The following KLHL31 variants were observed in gnomAD, a reference collection of about 807,000 sequenced individuals.
KLHL31 encodes kelch like family member 31.
Under a neutral mutation model 47.1 loss-of-function variants are expected in KLHL31, and 32 were observed. That is an observed-to-expected ratio of 0.68 (90% CI 0.51 to 0.91). The LOEUF (loss-of-function observed/expected upper bound fraction) is 0.91. Among genes scored for constraint, KLHL31 ranks in the 40% least tolerant of loss-of-function variants. The pLI is 0.00. For synonymous variants in KLHL31, 330 were observed against 325.1 expected (o/e 1.01, Z -0.16); for missense variants, 797 against 819.3 (o/e 0.97, Z 0.33).
intron 2 of KLHL31, among the ~76,000 whole-genome samples, chr6:53,653,586 A>G (rs564199339): frequency 3.0e-4 from 46 of 152,384 alleles, no homozygotes; most frequent in Non-Finnish European, 5.3e-4. Flanking sequence ...TCGGTTTTCA[A>G]ATAAGTATTT....
chr6:53,654,142 A>G lies in KLHL31; in HGVS notation c.1131T>C (p.Asp377=). 1 of 1,611,918 alleles carries G rather than the reference A, an allele frequency of 6.2e-7. No individual in the cohort carries two copies. Among genetic ancestry groups the G allele is most frequent in the Non-Finnish European group, 8.5e-7 (1 of 1,179,072 alleles). Residue 377 remains aspartate (D), a synonymous_variant, in exon 2 of 3, where the codon GAT becomes GAC. Transcript: ENST00000370905. ...LYVAGGEDQN[D]ARNQAKHAVS... is the part of the protein sequence containing the mutation. ...CTGCATGCTTGGCTTGATTTCTTGC[A>G]TCATTCTGGTCTTCACCACCGGCTA...
chr6:53,654,312 C>T lies in KLHL31; in HGVS notation c.961G>A (p.Val321Ile), dbSNP rs1255938682. The T allele has an allele frequency of 6.2e-7, 1 of 1,614,080 alleles. No individual in the cohort carries two copies. The highest frequency in any genetic ancestry group is 1.3e-5 in the African/African-American group (1 of 74,940). ...IRGGCRVLVT[V>I]GGRPGLTEKS... ...TCAGTAAGGCCTGGGCGTCCCCCAA[C>T]AGTGACGAGGACTCGGCAGCCACCT... Residue 321 changes from valine to isoleucine, a missense_variant, in exon 2 of 3, where the codon GTT becomes ATT. Transcript: ENST00000370905.
In KLHL31 at chr6:53,651,589, T is replaced by A; in HGVS notation, c.*9A>T. On this transcript the variant is annotated 3_prime_UTR_variant, in exon 3 of 3. Coordinates refer to ENST00000370905, the MANE Select transcript of KLHL31 (RefSeq NM_001003760.5). ...CGTGTTCTTCCTGCGTCCCTGCATC[T>A]ACCTGGGCTCAGATACTGACTGGCA... 2 of 1,603,200 alleles carry A rather than the reference T, an allele frequency of 1.2e-6. No individual in the cohort carries two copies. Among genetic ancestry groups the A allele is most frequent in the South Asian group, 2.2e-5 (2 of 90,792 alleles).
At chr6:53,655,853 C>T (rs1764554496) in intron 1 of KLHL31, among the ~76,000 whole-genome samples, 1 of 151,904 alleles carries the variant, frequency 6.6e-6, no homozygotes, top group Admixed American at 6.6e-5. Flanking sequence ...GTGATCTGCC[C>T]ACCTCAGCCT....
chr6:53,661,402 C>A (rs1764643425), intron 1 of KLHL31, among the ~76,000 whole-genome samples: 1 of 152,106 alleles, frequency 6.6e-6, no homozygotes, highest in African/African-American at 2.4e-5. Context: ...TGGGTGCAAA[C>A]AAACACACAC....
intron 1 of KLHL31, among the ~76,000 whole-genome samples, chr6:53,657,630 G>A (rs1309378063): frequency 6.6e-6 from 1 of 150,798 alleles, no homozygotes; most frequent in Non-Finnish European, 1.5e-5. Context: ...GTGTGTGTGT[G>A]TGTGTGTGTG....
At chr6:53,658,614 C>T (rs888677571) in intron 1 of KLHL31, among the ~76,000 whole-genome samples, 1 of 151,994 alleles carries the variant, frequency 6.6e-6, no homozygotes, top group Non-Finnish European at 1.5e-5. Context: ...AAGTTCAGGG[C>T]AGTAGCTATT....
chr6:53,664,252 A>T (rs1053975870), intron 1 of KLHL31, among the ~76,000 whole-genome samples: 2 of 152,226 alleles, frequency 1.3e-5, no homozygotes, highest in African/African-American at 2.4e-5. Context: ...TGTTGAGGAC[A>T]TACTTATGCT....
intron 1 of KLHL31, among the ~76,000 whole-genome samples, chr6:53,664,622 T>C (rs1406783639): frequency 6.6e-6 from 1 of 151,988 alleles, no homozygotes; most frequent in East Asian, 1.9e-4. Flanking sequence ...TAGAAAAGAG[T>C]TGTTACTTCA....
chr6:53,661,416 C>T (rs973551726), intron 1 of KLHL31, among the ~76,000 whole-genome samples: 4 of 152,266 alleles, frequency 2.6e-5, no homozygotes, highest in African/African-American at 7.2e-5. Context: ...CACACACCCA[C>T]CCAGACACAC....
Position 53,654,095 on chromosome 6 carries a change from A to G in KLHL31, c.1172+6T>C. 1 of 1,586,698 alleles carries G rather than the reference A, an allele frequency of 6.3e-7. No individual in the cohort carries two copies. Among genetic ancestry groups the G allele is most frequent in the Non-Finnish European group, 8.6e-7 (1 of 1,166,502 alleles). On this transcript the variant is annotated splice_donor_region_variant and intron_variant, in intron 2 of 2. Coordinates refer to ENST00000370905, the MANE Select transcript of KLHL31 (RefSeq NM_001003760.5). ...CCATTTCAGTTCCTAATAAAAGATCAAGTACCTGCAGAAATTGCTGACTGC... is the reference window on the plus strand; with the variant it reads ...CCATTTCAGTTCCTAATAAAAGATCGAGTACCTGCAGAAATTGCTGACTGC...
intron 1 of KLHL31, among the ~76,000 whole-genome samples, chr6:53,657,778 G>T (rs545050949): frequency 1.3e-5 from 2 of 151,984 alleles, no homozygotes; most frequent in Non-Finnish European, 2.9e-5. Context: ...TATTGTATTT[G>T]CTCCTGTTCC....
chr6:53,664,847 A>G (rs896922233), intron 1 of KLHL31, among the ~76,000 whole-genome samples: 1 of 152,156 alleles, frequency 6.6e-6, no homozygotes, highest in Non-Finnish European at 1.5e-5. Flanking sequence ...GTCGGGGCTC[A>G]TCAGCCCTAC....
chr6:53,652,045 G>A lies in KLHL31; in HGVS notation c.1458C>T (p.Tyr486=), dbSNP rs753457019. The part of the protein sequence containing the change: ...ANAYSRSVCA[Y]DPASDSWQEL... ...CCTGCCACGAGTCGCTGGCCGGGTC[G>A]TAGGCGCACACAGAGCGCGAGTAGG... The change falls in exon 3 of 3, where the codon TAC becomes TAT. Residue 486 remains tyrosine, a synonymous_variant. Coordinates refer to ENST00000370905, the MANE Select transcript of KLHL31 (RefSeq NM_001003760.5). 6.3e-7 allele frequency: 1 copy of A among 1,593,716 alleles called. No homozygotes were observed. Among genetic ancestry groups the A allele is most frequent in the South Asian group, 1.1e-5 (1 of 90,012 alleles).
rs57566339 is a variant in KLHL31 at position 53,657,610 on chromosome 6, TTGTGTGTGTGTG to T, written c.-33-2317_-33-2306del. Among the ~76,000 whole-genome samples, 70 of 138,804 alleles carry T rather than the reference TTGTGTGTGTGTG, an allele frequency of 5.0e-4. 1 individual carries two copies. Among genetic ancestry groups the T allele is most frequent in the South Asian group, 1.7e-3 (7 of 4,086 alleles). The allele number at this position is 138,804 out of a possible 152,430, so 91.1% of individuals were successfully genotyped here. A position where few individuals can be genotyped will look rare whatever the true frequency, so the allele number is the denominator to read the frequency against. The stretch of plus-strand genomic sequence containing the variant: ...TGGTTTACAATTTTTTGTTTTTGTT[TTGTGTGTGTGTG>T]TGTGTGTGTGTGTGTGTGTGTGTGT... On this transcript the variant is annotated intron_variant, in intron 1 of 2. Coordinates refer to ENST00000370905, the MANE Select transcript of KLHL31 (RefSeq NM_001003760.5).
chr6:53,655,166 A>G lies in KLHL31; in HGVS notation c.107T>C (p.Leu36Pro). 1 of 1,614,100 alleles carries G rather than the reference A, an allele frequency of 6.2e-7. No individual in the cohort carries two copies. Among genetic ancestry groups the G allele is most frequent in the South Asian group, 1.1e-5 (1 of 91,058 alleles). The change falls in exon 2 of 3, where the codon CTC becomes CCC. Residue 36 changes from leucine to proline, a missense_variant. Transcript: ENST00000370905. Reference sequence around the variant, plus strand: ...GCTAAGGCCATTGCCTCCCTCTAGGAGCCCATTCAAAGCATTCAGTTTGTT... The same window carrying G: ...GCTAAGGCCATTGCCTCCCTCTAGGGGCCCATTCAAAGCATTCAGTTTGTT... ...PLNKLNALNG[L>P]LEGGNGLSCI...
Position 53,654,498 on chromosome 6 carries a change from G to T in KLHL31, c.775C>A (p.Arg259Ser). The change falls in exon 2 of 3, where the codon CGC (arginine) becomes AGC (serine). Residue 259 changes from arginine (R) to serine (S), a missense_variant. Transcript: ENST00000370905. Reference sequence around the variant, plus strand: ...TCTTGTGCAGAGATGGTACCAAAGCGAATATTGCTCAAAAGATCTGCAGCG... The same window carrying T: ...TCTTGTGCAGAGATGGTACCAAAGCTAATATTGCTCAAAAGATCTGCAGCG... Reference protein sequence around the residue: ...KYAADLLSNIRFGTISAQDLV... With the variant: ...KYAADLLSNISFGTISAQDLV... The T allele has an allele frequency of 1.2e-6, 2 of 1,614,180 alleles. No individual in the cohort carries two copies. Among genetic ancestry groups the T allele is most frequent in the South Asian group, 1.1e-5 (1 of 91,078 alleles).
intron 2 of KLHL31, among the ~76,000 whole-genome samples, chr6:53,653,563 C>A (rs1345424544): frequency 6.6e-6 from 1 of 152,154 alleles, no homozygotes; most frequent in Non-Finnish European, 1.5e-5. Context: ...AATACTGACA[C>A]ATTTTCTGTT....
In KLHL31 at chr6:53,651,283, G is replaced by C. The variant is rs1009560561; in HGVS notation, c.*315C>G. ...AAAAATCTCAAATGTGGGTGTAACCGCTATACATTTAGGAAACATGCCGCC... is the reference window on the plus strand; with the variant it reads ...AAAAATCTCAAATGTGGGTGTAACCCCTATACATTTAGGAAACATGCCGCC... On this transcript the variant is annotated 3_prime_UTR_variant, in exon 3 of 3. Coordinates refer to ENST00000370905, the MANE Select transcript of KLHL31 (RefSeq NM_001003760.5). The C allele has an allele frequency of 4.3e-6, 1 of 233,726 alleles. No individual in the cohort carries two copies. Among genetic ancestry groups the C allele is most frequent in the African/African-American group, 2.3e-5 (1 of 44,146 alleles). 14.5% of individuals were successfully genotyped at this position (233,726 alleles called of 1,614,324 possible).
Sources: allele counts gnomAD v4.1 joint callset (sites outside exome capture counted in the v4.1 genomes callset), GRCh38; gene constraint gnomAD v4.1.1; transcripts MANE v1.5; gene names NCBI Gene and HGNC (gene_info 2026-07-23, HGNC 2026-07-21).